The following ERBB4 variants were observed in gnomAD, a reference collection of about 807,000 sequenced individuals.
ERBB4 encodes erb-b2 receptor tyrosine kinase 4, also known as receptor tyrosine-protein kinase erbB-4.
Under a neutral mutation model 158.0 loss-of-function variants are expected in ERBB4, and 42 were observed. That is an observed-to-expected ratio of 0.27 (90% CI 0.21 to 0.34). ERBB4 has a LOEUF of 0.34. ERBB4 is among the 10% of genes least tolerant of loss of function. The pLI is 1.00. For synonymous variants in ERBB4, 583 were observed against 558.7 expected, an observed-to-expected ratio of 1.04 and a Z score of -0.61; for missense variants, 1,333 against 1,624.1, an observed-to-expected ratio of 0.82 and a Z score of 3.08.
At chr2:212,138,831 C>T (rs1377752824) in intron 1 of ERBB4, among the ~76,000 whole-genome samples, 1 of 152,034 alleles carries the variant, frequency 6.6e-6, no homozygotes, top group Non-Finnish European at 1.5e-5. Context: ...TCAATTAAGT[C>T]CCCATTCTAA....
chr2:212,422,763 G>T (rs1308009296), intron 1 of ERBB4, among the ~76,000 whole-genome samples: 2 of 152,114 alleles, frequency 1.3e-5, no homozygotes, highest in Non-Finnish European at 2.9e-5. Context: ...TCTTGGCTTG[G>T]TATTAATTTT....
chr2:212,161,820 T>C (rs1468431509), intron 1 of ERBB4, among the ~76,000 whole-genome samples: 2 of 151,808 alleles, frequency 1.3e-5, no homozygotes, highest in Non-Finnish European at 2.9e-5. Context: ...AAGTGTAACG[T>C]GGTGATAAAA....
chr2:211,767,742 A>C (rs2075587339), intron 4 of ERBB4, among the ~76,000 whole-genome samples: 1 of 152,138 alleles, frequency 6.6e-6, no homozygotes, highest in South Asian at 2.1e-4. Context: ...TAACAGCCCT[A>C]AATTACTAAA....
intron 20 of ERBB4, among the ~76,000 whole-genome samples, chr2:211,456,670 T>C (rs967119393): frequency 6.6e-6 from 1 of 152,056 alleles, no homozygotes; most frequent in Non-Finnish European, 1.5e-5. Context: ...TGGAAGACAA[T>C]TTTTCCATGG....
intron 3 of ERBB4, among the ~76,000 whole-genome samples, chr2:211,797,390 T>G (rs2076404423): frequency 6.6e-6 from 1 of 151,944 alleles, no homozygotes; most frequent in South Asian, 2.1e-4. Context: ...GTTTGTATAG[T>G]TTTAATAACT....
chr2:212,133,428 T>G (rs1395263591), intron 1 of ERBB4, among the ~76,000 whole-genome samples: 3 of 150,694 alleles, frequency 2.0e-5, no homozygotes, highest in African/African-American at 7.3e-5. Flanking sequence ...TTTTTGTTTT[T>G]TTTTTTGCTA....
chr2:212,019,758 T>TA (rs368132533), intron 2 of ERBB4, among the ~76,000 whole-genome samples: 85,946 of 106,084 alleles, frequency 0.81, 34,477 homozygotes, highest in East Asian at 0.94. Context: ...CAACATTCTG[T>TA]AAAAAAAAAA....
At chr2:212,031,716 A>C (rs2076906932) in intron 2 of ERBB4, among the ~76,000 whole-genome samples, 1 of 152,178 alleles carries the variant, frequency 6.6e-6, no homozygotes, top group Non-Finnish European at 1.5e-5. Flanking sequence ...TGAACAAAAA[A>C]TTAAATGGTA....
intron 1 of ERBB4, among the ~76,000 whole-genome samples, chr2:212,222,449 G>A (rs1201607828): frequency 6.6e-6 from 1 of 151,490 alleles, no homozygotes; most frequent in Non-Finnish European, 1.5e-5. Flanking sequence ...TCTGGTATTA[G>A]CTCCAACACT....
chr2:212,181,028 T>A (rs1261279907), intron 1 of ERBB4, among the ~76,000 whole-genome samples: 2 of 151,710 alleles, frequency 1.3e-5, no homozygotes, highest in African/African-American at 2.4e-5. Flanking sequence ...CTGTTGATGA[T>A]ATCAGAATTG....
chr2:211,707,853 A>C (rs2073507695), intron 9 of ERBB4, among the ~76,000 whole-genome samples: 1 of 152,106 alleles, frequency 6.6e-6, no homozygotes, highest in African/African-American at 2.4e-5. Context: ...TTGCCAGTAA[A>C]TATATTTTGT....
intron 20 of ERBB4, among the ~76,000 whole-genome samples, chr2:211,553,883 T>C (rs961451468): frequency 5.3e-5 from 8 of 152,202 alleles, no homozygotes; most frequent in Admixed American, 5.2e-4. Flanking sequence ...CCCAGAATTG[T>C]TTTGAGTTTG....
chr2:211,550,912 C>T (rs1021394280), intron 20 of ERBB4, among the ~76,000 whole-genome samples: 5 of 151,230 alleles, frequency 3.3e-5, no homozygotes, highest in Non-Finnish European at 7.4e-5. Context: ...ACCGAGACAC[C>T]GCAAGAATTC....
chr2:211,620,944 A>C (rs1574869955), intron 18 of ERBB4, among the ~76,000 whole-genome samples: 1 of 7,800 alleles, frequency 1.3e-4, no homozygotes, highest in Non-Finnish European at 8.2e-4. Context: ...CAACTCTACT[A>C]AAAAATAAAA....
chr2:211,596,696 A>G (rs760462490), intron 19 of ERBB4, among the ~76,000 whole-genome samples: 2 of 151,112 alleles, frequency 1.3e-5, no homozygotes, highest in Non-Finnish European at 2.9e-5. Context: ...CCTCTGATCT[A>G]TCTCTTCATG....
At chr2:211,648,539 T>C (rs563861803) in intron 16 of ERBB4, among the ~76,000 whole-genome samples, 1 of 151,918 alleles carries the variant, frequency 6.6e-6, no homozygotes, top group Admixed American at 6.6e-5. Flanking sequence ...TATTGTGAAA[T>C]AACATATATG....
At chr2:212,232,030 C>A (rs910176326) in intron 1 of ERBB4, among the ~76,000 whole-genome samples, 1 of 152,060 alleles carries the variant, frequency 6.6e-6, no homozygotes, top group Non-Finnish European at 1.5e-5. Context: ...GTTTTAGATT[C>A]GAATTTCCTG....
At chr2:212,421,151 T>G (rs2091783214) in intron 1 of ERBB4, among the ~76,000 whole-genome samples, 1 of 152,104 alleles carries the variant, frequency 6.6e-6, no homozygotes, top group Non-Finnish European at 1.5e-5. Flanking sequence ...TTCAAAGAAT[T>G]TCAGTGGAAA....
chr2:211,573,751 T>A (rs568446158), intron 19 of ERBB4, among the ~76,000 whole-genome samples: 2 of 152,270 alleles, frequency 1.3e-5, no homozygotes, highest in South Asian at 4.1e-4. Flanking sequence ...TTACAATTAC[T>A]GTATTCTTTC....
Sources: allele counts gnomAD v4.1 joint callset (sites outside exome capture counted in the v4.1 genomes callset), GRCh38; gene constraint gnomAD v4.1.1; transcripts MANE v1.5; gene names NCBI Gene and HGNC (gene_info 2026-07-23, HGNC 2026-07-21).